The following RAD54L2 variants were observed in gnomAD, a reference collection of about 807,000 sequenced individuals.
RAD54L2 encodes RAD54 like 2.
A neutral mutation model predicts 138.4 loss-of-function variants in RAD54L2; 27 were observed. The ratio of observed to expected loss-of-function variants is 0.20; its 90% CI spans 0.14 to 0.27. RAD54L2 has a LOEUF of 0.27. Ranked by LOEUF, RAD54L2 falls within the 10% of genes least tolerant of loss-of-function variation. The pLI is 1.00. For synonymous variants in RAD54L2, 644 were observed against 723.2 expected (o/e 0.89, Z 1.76); for missense variants, 1,396 against 1,890.2 (o/e 0.74, Z 4.85).
intron 2 of RAD54L2, among the ~76,000 whole-genome samples, chr3:51,579,793 C>T (rs550906367): frequency 3.3e-4 from 50 of 152,232 alleles, no homozygotes; most frequent in African/African-American, 1.2e-3. Context: ...TACAGTTTAC[C>T]GGTTGTGTTG....
intron 3 of RAD54L2, among the ~76,000 whole-genome samples, chr3:51,623,725 C>T (rs1700616086): frequency 6.6e-6 from 1 of 151,670 alleles, no homozygotes; most frequent in Non-Finnish European, 1.5e-5. Flanking sequence ...CCTGTAATCC[C>T]AGCACTTTGG....
At chr3:51,573,666 T>G (rs1348180073) in intron 2 of RAD54L2, among the ~76,000 whole-genome samples, 1 of 152,102 alleles carries the variant, frequency 6.6e-6, no homozygotes, top group African/African-American at 2.4e-5. Context: ...GATGGGGTTT[T>G]GCCATGTTGG....
At chr3:51,566,064 G>A (rs1461148291) in intron 2 of RAD54L2, among the ~76,000 whole-genome samples, 2 of 151,540 alleles carry the variant, frequency 1.3e-5, no homozygotes, top group African/African-American at 4.9e-5. Flanking sequence ...TCCTGACCTC[G>A]TGATATGCCC....
In RAD54L2 at chr3:51,645,242, C is replaced by T. The variant is rs1224619667; in HGVS notation, c.2656+13C>T. ...CAGGGCATGTCAGGTGGGCCATCTT[C>T]CAGACTTCGGAGAGGCACATCTATA... On this transcript the variant is annotated intron_variant, in intron 17 of 22. Coordinates refer to ENST00000684192, the MANE Select transcript of RAD54L2 (RefSeq NM_015106.4). This position sits in a 1 kb window ranked among gnomAD's most constrained non-coding sequence, Gnocchi z 6.1. The T allele has an allele frequency of 1.9e-6, 3 of 1,598,648 alleles. No individual in the cohort carries two copies. Among genetic ancestry groups the T allele is most frequent in the Non-Finnish European group, 2.6e-6 (3 of 1,169,662 alleles).
chr3:51,557,699 G>A (rs1200447660), intron 2 of RAD54L2, among the ~76,000 whole-genome samples: 6 of 151,414 alleles, frequency 4.0e-5, no homozygotes, highest in Admixed American at 2.6e-4. Context: ...GCATGGTGGC[G>A]GGCGCCTGTA....
chr3:51,654,150 C>A (rs1055392049), intron 19 of RAD54L2, among the ~76,000 whole-genome samples: 1 of 151,906 alleles, frequency 6.6e-6, no homozygotes, highest in African/African-American at 2.4e-5. Context: ...TGGGTTCAAG[C>A]AGTTCTCCTC....
intron 3 of RAD54L2, among the ~76,000 whole-genome samples, chr3:51,626,416 T>C (rs561388408): frequency 2.2e-4 from 23 of 104,294 alleles, no homozygotes; most frequent in Non-Finnish European, 3.6e-4. Flanking sequence ...ACAAATGACA[T>C]CCCCTGGACC....
chr3:51,632,336 CAG>C (rs1209962279), intron 7 of RAD54L2, among the ~76,000 whole-genome samples: 2 of 152,118 alleles, frequency 1.3e-5, no homozygotes, highest in East Asian at 1.9e-4. Context: ...CTCTGTAGCC[CAG>C]GCTGGAGTGC....
rs551401792 is a variant in RAD54L2, at chr3:51,665,800, G to A, written c.*2380G>A. On this transcript the variant is annotated 3_prime_UTR_variant, in exon 23 of 23. Coordinates refer to ENST00000684192, the MANE Select transcript of RAD54L2 (RefSeq NM_015106.4). ...ACTGGGATCCCAGAGATGCATGTGTGCATGTGTATGTCTGTGTGTGTGTGT... is the reference window on the plus strand; with the variant it reads ...ACTGGGATCCCAGAGATGCATGTGTACATGTGTATGTCTGTGTGTGTGTGT... 2.0e-4 allele frequency: 31 copies of A among 152,332 alleles called. No individual in the cohort carries two copies. Among genetic ancestry groups the A allele is most frequent in the African/African-American group, 6.0e-4 (25 of 41,546 alleles). 9.4% of individuals were successfully genotyped at this position (152,332 alleles called of 1,614,324 possible).
chr3:51,573,555 G>T (rs1699391073), intron 2 of RAD54L2, among the ~76,000 whole-genome samples: 1 of 151,868 alleles, frequency 6.6e-6, no homozygotes, highest in African/African-American at 2.4e-5. Context: ...TTCTGTCTCA[G>T]CCTCCAAATA....
rs965544622 is a variant in RAD54L2 at position 51,664,618 on chromosome 3, A to G, written c.*1198A>G. The G allele has an allele frequency of 6.6e-6, 1 of 152,208 alleles. No individual in the cohort carries two copies. The highest frequency in any genetic ancestry group is 2.4e-5 in the African/African-American group (1 of 41,456). 9.4% of individuals were successfully genotyped at this position (152,208 alleles called of 1,614,324 possible). ...GAAGTTTTAAGATATCCCAGACCCT[A>G]TAGCCACTGGTGAAAAACAATCCTG... On this transcript the variant is annotated 3_prime_UTR_variant, in exon 23 of 23. Coordinates refer to ENST00000684192, the MANE Select transcript of RAD54L2 (RefSeq NM_015106.4).
At chr3:51,653,431 G>A (rs1000647868) in intron 19 of RAD54L2, among the ~76,000 whole-genome samples, 64 of 152,270 alleles carry the variant, frequency 4.2e-4, no homozygotes, top group Admixed American at 2.2e-3. Context: ...CCATTACTGG[G>A]TATATACCCA....
chr3:51,630,529 A>G, intron 6 of RAD54L2, 141 bp downstream of exon 6: 4 of 996,452 alleles, frequency 4.0e-6, no homozygotes, highest in Non-Finnish European at 2.9e-6. Context: ...CTTGGTAAAT[A>G]TAAGTTTTTT....
chr3:51,643,484 A>G (rs1259773481), intron 15 of RAD54L2, among the ~76,000 whole-genome samples: 1 of 152,212 alleles, frequency 6.6e-6, no homozygotes, highest in African/African-American at 2.4e-5. Context: ...GTGGAGGAAC[A>G]TCATCCATAT....
intron 13 of RAD54L2, 26 bp downstream of exon 13, chr3:51,639,696 C>A (rs777740271): frequency 6.2e-7 from 1 of 1,611,016 alleles, no homozygotes; most frequent in East Asian, 2.2e-5. Flanking sequence ...CCTTCAGGAA[C>A]CATAAACTAT....
chr3:51,555,673 G>A (rs575716316), intron 2 of RAD54L2, among the ~76,000 whole-genome samples: 1 of 152,068 alleles, frequency 6.6e-6, no homozygotes, highest in Non-Finnish European at 1.5e-5. Context: ...AACCACCATC[G>A]GCACATGTTA....
At chr3:51,547,960 C>G (rs184991048) in intron 2 of RAD54L2, among the ~76,000 whole-genome samples, 6 of 151,954 alleles carry the variant, frequency 3.9e-5, no homozygotes, top group African/African-American at 1.5e-4. Context: ...GGTACGATCT[C>G]GGCTCCCTGC....
rs1049870639 is a variant in RAD54L2, at chr3:51,638,524, A to C, written c.1860+203A>C. ...TAACTCCTGGGGGTGCCATTCACACAGTGTAATATAACTGATGCCCCCTGC... is the reference window on the plus strand; with the variant it reads ...TAACTCCTGGGGGTGCCATTCACACCGTGTAATATAACTGATGCCCCCTGC... On this transcript the variant is annotated intron_variant, in intron 12 of 22. Coordinates refer to ENST00000684192, the MANE Select transcript of RAD54L2 (RefSeq NM_015106.4). This position sits in a 1 kb window ranked among gnomAD's most constrained non-coding sequence, Gnocchi z 4.3. 1.7e-6 allele frequency: 1 copy of C among 593,288 alleles called. No individual in the cohort carries two copies. The highest frequency in any genetic ancestry group is 2.3e-5 in the South Asian group (1 of 44,440). 36.8% of individuals were successfully genotyped at this position (593,288 alleles called of 1,614,324 possible). A position where few individuals can be genotyped will look rare whatever the true frequency, so the allele number is the denominator to read the frequency against.
intron 3 of RAD54L2, among the ~76,000 whole-genome samples, chr3:51,612,310 C>A (rs1307409458): frequency 6.6e-6 from 1 of 152,090 alleles, no homozygotes; most frequent in African/African-American, 2.4e-5. Context: ...ACTAAAAAAA[C>A]AGAAATTAGC....
Sources: allele counts gnomAD v4.1 joint callset (sites outside exome capture counted in the v4.1 genomes callset), GRCh38; gene constraint gnomAD v4.1.1; non-coding constraint Gnocchi (gnomAD v3.1); transcripts MANE v1.5; gene names NCBI Gene and HGNC (gene_info 2026-07-23, HGNC 2026-07-21).